The following MATN1 variants were observed in gnomAD, a reference collection of about 807,000 sequenced individuals.
MATN1 encodes the protein matrilin-1.
Under a neutral mutation model 41.3 loss-of-function variants are expected in MATN1, and 34 were observed. The ratio of observed to expected loss-of-function variants is 0.82; its 90% confidence interval spans 0.63 to 1.10. The LOEUF (loss-of-function observed/expected upper bound fraction) is 1.10. Among genes scored for constraint, MATN1 ranks in the 50% least tolerant of loss-of-function variants. MATN1 has a pLI of 0.00. For synonymous variants in MATN1, 264 were observed against 278.7 expected (o/e 0.95, Z 0.53); for missense variants, 602 against 662.4 (o/e 0.91, Z 1.00).
At chr1:30,721,051 G>A (rs371195437) in intron 2 of MATN1, 5 of 260,172 alleles carry the variant, frequency 1.9e-5, no homozygotes, top group Non-Finnish European at 3.7e-5. Context: ...AGCAGGGCGT[G>A]AACCCAGGCA....
At chr1:30,716,705 G>A in intron 4 of MATN1, 85 bp downstream of exon 4, 1 of 1,548,468 alleles carries the variant, frequency 6.5e-7, no homozygotes, top group Non-Finnish European at 8.7e-7. Context: ...TATGGTGCAG[G>A]GAGGCTTGAA....
At position 30,715,157 on chromosome 1, in the gene MATN1, C is replaced by A; in HGVS notation, c.1360G>T (p.Glu454Ter). 1 of 1,614,100 alleles carries A rather than the reference C, an allele frequency of 6.2e-7. No homozygotes were observed. Among genetic ancestry groups the A allele is most frequent in the Non-Finnish European group, 8.5e-7 (1 of 1,179,962 alleles). The change falls in exon 6 of 8, where the codon GAG (glutamate) becomes TAG (stop). Residue 454 changes from glutamate to a stop codon, truncating the protein, a stop_gained and splice_region_variant. Coordinates refer to ENST00000373765, the MANE Select transcript of MATN1 (RefSeq NM_002379.3). LOFTEE classifies it high-confidence loss of function. ...GKKLQKKICVEEDPCACESLV... is the reference protein window; with the variant it reads ...GKKLQKKICV Reference sequence around the variant, plus strand: ...CAATGCCAGCCCTGGCCTCACTCACCCACACAGATCTTCTTCTGCAACTTC... The same window carrying A: ...CAATGCCAGCCCTGGCCTCACTCACACACACAGATCTTCTTCTGCAACTTC...
In MATN1 at chr1:30,711,816, A is replaced by G. The variant is rs975792684; in HGVS notation, c.*1766T>C. On this transcript the variant is annotated 3_prime_UTR_variant, in exon 8 of 8. Transcript: ENST00000373765. ...CTGTGTGGGGAGGAGAGGGGAGTGG[A>G]TAATCTCAGAAGAAAGGAAGAATGA... The G allele has an allele frequency of 3.5e-4, 53 of 152,218 alleles. No individual in the cohort carries two copies. Among genetic ancestry groups the G allele is most frequent in the African/African-American group, 1.2e-3 (50 of 41,446 alleles). 9.4% of individuals were successfully genotyped at this position (152,218 alleles called of 1,614,324 possible).
Position 30,721,583 on chromosome 1 carries a change from GT to G in MATN1, c.262del (p.Thr88ProfsTer2), listed in dbSNP as rs1227954673. The G allele has an allele frequency of 1.2e-6, 2 of 1,613,354 alleles. No homozygotes were observed. The highest frequency in any genetic ancestry group is 1.7e-6 in the Non-Finnish European group (2 of 1,180,052). ...CCGCAGCGAGAACTCCTGCTTCACG[GT>G]GCTGGCATAGTTGACCATGCCCACC... is the stretch of plus-strand genomic sequence containing the variant. ...TRVGMVNYAS[T>X]VKQEFSLRAH... On this transcript the variant is annotated frameshift_variant, in exon 2 of 8. Coordinates refer to ENST00000373765, the MANE Select transcript of MATN1 (RefSeq NM_002379.3). LOFTEE classifies it high-confidence loss of function.
At position 30,721,389 on chromosome 1, in the gene MATN1, G is replaced by A; in HGVS notation, c.441+16C>T. ...CCTCCAAACAGCAGCATCCTAGCAG[G>A]GTGGCGTGCACGTACCTTGCTGATG... On this transcript the variant is annotated intron_variant, in intron 2 of 7. Coordinates refer to ENST00000373765, the MANE Select transcript of MATN1 (RefSeq NM_002379.3). 1 of 1,592,172 alleles carries A rather than the reference G, an allele frequency of 6.3e-7. No homozygotes were observed.
At chr1:30,720,747 G>A (rs1422683207) in intron 2 of MATN1, 1 of 152,472 alleles carries the variant, frequency 6.6e-6, no homozygotes, top group Non-Finnish European at 1.5e-5. Flanking sequence ...GTTCTGTGCT[G>A]AGCCCTGAAC....
intron 2 of MATN1, 104 bp from the exon 3 acceptor site, chr1:30,719,061 C>T: frequency 1.1e-6 from 1 of 925,320 alleles, no homozygotes; most frequent in South Asian, 2.2e-5. Context: ...CCGGGTCGCA[C>T]AGCCAGGCGG....
chr1:30,715,242 C>T lies in MATN1; in HGVS notation c.1275G>A (p.Glu425=), dbSNP rs1065755. The change falls in exon 6 of 8, where the codon GAG becomes GAA. Residue 425 remains glutamate (E), a synonymous_variant. Coordinates refer to ENST00000373765, the MANE Select transcript of MATN1 (RefSeq NM_002379.3). The part of the protein sequence containing the change: ...VEDELREIAS[E]PVAEHYFYTA... Reference sequence around the variant, plus strand: ...TGTAGAAGTAGTGCTCTGCCACAGGCTCTGAGGCTATTTCCCTCAGCTCAT... The same window carrying T: ...TGTAGAAGTAGTGCTCTGCCACAGGTTCTGAGGCTATTTCCCTCAGCTCAT... 557,237 of 1,613,812 alleles carry T rather than the reference C, an allele frequency of 0.35. 98,059 individuals carry two copies. The highest frequency in any genetic ancestry group is 0.39 in the Admixed American group (23,625 of 60,006).
intron 3 of MATN1, 146 bp downstream of exon 3, chr1:30,718,589 G>GCA (rs34067621): frequency 0.012 from 2,172 of 182,936 alleles, 103 homozygotes; most frequent in Admixed American, 0.074. Context: ...CTCCGCCTCT[G>GCA]CCCCCCCCCC....
rs780862483 is a variant in MATN1, at chr1:30,712,566, A to C, written c.*1016T>G. The C allele has an allele frequency of 2.6e-5, 4 of 152,302 alleles. No individual in the cohort carries two copies. The highest frequency in any genetic ancestry group is 6.5e-5 in the Admixed American group (1 of 15,276). The allele number at this position is 152,302 out of a possible 1,614,324, so 9.4% of individuals were successfully genotyped here. On this transcript the variant is annotated 3_prime_UTR_variant, in exon 8 of 8. Coordinates refer to ENST00000373765, the MANE Select transcript of MATN1 (RefSeq NM_002379.3). ...CCGTGGGCTCCCAGGTATCAAGAGGAGGCACAAACCCCTGGTACGACCTAA... is the reference window on the plus strand; with the variant it reads ...CCGTGGGCTCCCAGGTATCAAGAGGCGGCACAAACCCCTGGTACGACCTAA...
At chr1:30,719,241 C>T in intron 2 of MATN1, 1 of 424,886 alleles carries the variant, frequency 2.4e-6, no homozygotes. Flanking sequence ...AGGTCAGGGC[C>T]ATGCCTTCCC....
chr1:30,716,473 T>C (rs973341178), intron 4 of MATN1, 148 bp from the exon 5 acceptor site: 1 of 819,068 alleles, frequency 1.2e-6, no homozygotes, highest in South Asian at 1.7e-5. Context: ...CCAAGGTGAC[T>C]GGTCCCACTG....
chr1:30,723,370 G>T, intron 1 of MATN1, 88 bp downstream of exon 1: 1 of 1,009,878 alleles, frequency 9.9e-7, no homozygotes, highest in Non-Finnish European at 1.4e-6. Context: ...GATCCCGTGT[G>T]CTCCCTGCCA....
Position 30,723,500 on chromosome 1 carries a change from G to C in MATN1, c.52C>G (p.Leu18Val). The C allele has an allele frequency of 6.6e-7, 1 of 1,523,918 alleles. No individual in the cohort carries two copies. Among genetic ancestry groups the C allele is most frequent in the South Asian group, 1.3e-5 (1 of 79,818 alleles). The allele number at this position is 1,523,918 out of a possible 1,614,324, so 94.4% of individuals were successfully genotyped here. A position where few individuals can be genotyped will look rare whatever the true frequency, so the allele number is the denominator to read the frequency against. ...SLMLCSLLLL[L>V]QALCSPGLAP... ...AGGCCAGGGCTGCACAGGGCCTGGA[G>C]CAGCAGCAGCAGGCTGCAGAGCATG... The change falls in exon 1 of 8, where the codon CTC becomes GTC. Residue 18 changes from leucine (L) to valine (V), a missense_variant. Leu to Val is a conservative substitution (Grantham distance 32, BLOSUM62 1). Coordinates refer to ENST00000373765, the MANE Select transcript of MATN1 (RefSeq NM_002379.3).
intron 3 of MATN1, among the ~76,000 whole-genome samples, chr1:30,717,646 TTTTTTTTGTTTTG>T (rs1476060880): frequency 2.6e-5 from 3 of 117,160 alleles, no homozygotes; most frequent in Admixed American, 8.4e-5. Context: ...TGTGCGGTTT[TTTTTTTTGTTTTG>T]TTTTTTTTTT....
intron 3 of MATN1, among the ~76,000 whole-genome samples, chr1:30,717,880 C>A (rs930830750): frequency 1.3e-5 from 2 of 152,152 alleles, no homozygotes; most frequent in Non-Finnish European, 1.5e-5. Flanking sequence ...GTCTCGATCT[C>A]CTGACTTCGT....
chr1:30,713,756 C>T, intron 7 of MATN1, 125 bp from the exon 8 acceptor site: 1 of 759,378 alleles, frequency 1.3e-6, no homozygotes. Flanking sequence ...AGAACTTATC[C>T]ATCCACTGTC....
At position 30,713,233 on chromosome 1, in the gene MATN1, A is replaced by C; in HGVS notation, c.*349T>G. The C allele has an allele frequency of 3.8e-6, 1 of 262,214 alleles. No homozygotes were observed. The highest frequency in any genetic ancestry group is 6.9e-5 in the East Asian group (1 of 14,560). The allele number at this position is 262,214 out of a possible 1,614,324, so 16.2% of individuals were successfully genotyped here. A position where few individuals can be genotyped will look rare whatever the true frequency, so the allele number is the denominator to read the frequency against. On this transcript the variant is annotated 3_prime_UTR_variant, in exon 8 of 8. Transcript: ENST00000373765. Reference sequence around the variant, plus strand: ...AAAGAAATTCACAGCACTCAGAGTCAAGAAAGGGTTAACTAAAAAAGATGG... The same window carrying C: ...AAAGAAATTCACAGCACTCAGAGTCCAGAAAGGGTTAACTAAAAAAGATGG...
At position 30,718,706 on chromosome 1, in the gene MATN1, C is replaced by T. The variant is rs371344848; in HGVS notation, c.664+29G>A. ...CCGCTCTCCCCTTCTCCGCCCCTGC[C>T]CTGGCTCCGCCCCCGCCTGCCCGCG... On this transcript the variant is annotated intron_variant, in intron 3 of 7. Transcript: ENST00000373765. 7.8e-6 allele frequency: 12 copies of T among 1,543,022 alleles called. No homozygotes were observed. In the African/African-American group the frequency reaches 8.4e-5, roughly 11 times the overall value.
Sources: allele counts gnomAD v4.1 joint callset (sites outside exome capture counted in the v4.1 genomes callset), GRCh38; gene constraint gnomAD v4.1.1; transcripts MANE v1.5; gene names NCBI Gene and HGNC (gene_info 2026-07-23, HGNC 2026-07-21).